Variants in PGD observed in about 807,000 individuals in gnomAD.
PGD encodes the protein 6-phosphogluconate dehydrogenase, decarboxylating.
Under a neutral mutation model 60.4 loss-of-function variants are expected in PGD, and 21 were observed. The ratio of observed to expected loss-of-function variants is 0.35; its 90% CI spans 0.25 to 0.50. PGD has a LOEUF of 0.50. PGD is among the 20% of genes least tolerant of loss of function. PGD has a pLI of 0.98. For missense variants in PGD, 477 were observed against 613.1 expected (o/e 0.78, Z 2.34); for synonymous variants, 230 against 235.9 (o/e 0.97, Z 0.23).
chr1:10,416,929 A>G (rs1639604277), intron 8 of PGD, 58 bp from the exon 9 acceptor site: 3 of 1,575,616 alleles, frequency 1.9e-6, no homozygotes, highest in Non-Finnish European at 1.7e-6. Flanking sequence ...ATGATAGTTT[A>G]GCTTGGGCTC....
chr1:10,412,238 C>T (rs1341881199), intron 7 of PGD, among the ~76,000 whole-genome samples: 3 of 152,210 alleles, frequency 2.0e-5, no homozygotes, highest in African/African-American at 7.2e-5. Flanking sequence ...CTTTCATTCA[C>T]CCGCCATTTT....
chr1:10,420,063 C>T lies in PGD; in HGVS notation c.*314C>T, dbSNP rs946975410. Reference sequence around the variant, plus strand: ...ATCACGCAGACAGGAAGGGTGTTTGCGCACTCTGATCAACTGGAACCTCTG... The same window carrying T: ...ATCACGCAGACAGGAAGGGTGTTTGTGCACTCTGATCAACTGGAACCTCTG... On this transcript the variant is annotated 3_prime_UTR_variant, in exon 13 of 13. Coordinates refer to ENST00000270776, the MANE Select transcript of PGD (RefSeq NM_002631.4). 2.1e-5 allele frequency: 7 copies of T among 327,536 alleles called. No individual in the cohort carries two copies. Among genetic ancestry groups the T allele is most frequent in the Admixed American group, 9.0e-5 (2 of 22,326 alleles). 20.3% of individuals were successfully genotyped at this position (327,536 alleles called of 1,614,324 possible). A position where few individuals can be genotyped will look rare whatever the true frequency, so the allele number is the denominator to read the frequency against.
intron 8 of PGD, chr1:10,415,201 C>T (rs1043249148): frequency 6.6e-6 from 1 of 152,228 alleles, no homozygotes; most frequent in Non-Finnish European, 1.5e-5. Flanking sequence ...TTTGACCTCC[C>T]TGTTCATTGT....
chr1:10,402,499 C>T (rs143111907), intron 3 of PGD, among the ~76,000 whole-genome samples: 2,214 of 151,156 alleles, frequency 0.015, 51 homozygotes, highest in East Asian at 0.058. Flanking sequence ...CCAGCCTGGG[C>T]GACATGGTGA....
intron 7 of PGD, among the ~76,000 whole-genome samples, chr1:10,412,025 C>T (rs1286513359): frequency 1.3e-5 from 2 of 151,976 alleles, no homozygotes; most frequent in Non-Finnish European, 2.9e-5. Flanking sequence ...CACCTGGATA[C>T]ACACCTCCTC....
chr1:10,406,753 C>T (rs760958149), intron 5 of PGD, among the ~76,000 whole-genome samples: 2 of 152,166 alleles, frequency 1.3e-5, no homozygotes, highest in East Asian at 1.9e-4. Context: ...AATATATCCG[C>T]GTGCTGAGCT....
rs753868671 is a variant in PGD at position 10,419,490 on chromosome 1, CCTT to C, written c.1286_1288del (p.Phe429del). 6 of 1,614,236 alleles carry C rather than the reference CCTT, an allele frequency of 3.7e-6. No individual in the cohort carries two copies. The highest frequency in any genetic ancestry group is 1.1e-5 in the South Asian group (1 of 91,090). On this transcript the variant is annotated inframe_deletion, in exon 12 of 13. Transcript: ENST00000270776. ...ATGCCCTGTTTTACCACTGCCCTCT[CCTT>C]CTATGACGGGTACAGACATGAGATG...
At chr1:10,418,986 G>GTTTGGTTTTCTGTTTTTTTTT (rs1639643913) in intron 11 of PGD, 61 bp downstream of exon 11, 1 of 920,646 alleles carries the variant, frequency 1.1e-6, no homozygotes, top group African/African-American at 1.7e-5. Context: ...CAGTTGTGAT[G>GTTTGGTTTTCTGTTTTTTTTT]TTTGGTTTTT....
At chr1:10,404,105 A>G (rs905432810) in intron 4 of PGD, 56 bp from the exon 5 acceptor site, 1 of 1,233,224 alleles carries the variant, frequency 8.1e-7, no homozygotes, top group Admixed American at 2.0e-5. Flanking sequence ...GCATAATGAA[A>G]CATGGAAGCA....
chr1:10,412,131 TGCAG>T (rs1232531703), intron 7 of PGD, among the ~76,000 whole-genome samples: 1 of 152,260 alleles, frequency 6.6e-6, no homozygotes, highest in Non-Finnish European at 1.5e-5. Flanking sequence ...CAAAGTAAAC[TGCAG>T]GTATCCATAC....
chr1:10,413,287 A>C, intron 8 of PGD, 36 bp downstream of exon 8: 1 of 1,570,564 alleles, frequency 6.4e-7, no homozygotes, highest in Non-Finnish European at 8.7e-7. Context: ...CCTTTCGTCC[A>C]CTATTCTGAT....
chr1:10,412,786 C>T (rs553063384), intron 7 of PGD: 11 of 329,774 alleles, frequency 3.3e-5, no homozygotes, highest in Admixed American at 8.6e-5. Flanking sequence ...TCTGAGGAGG[C>T]GACACTGCAC....
In PGD at chr1:10,413,133, C is replaced by T. The variant is rs1249527900; in HGVS notation, c.726C>T (p.Phe242=). ...LIEITANILK[F]QDTDGKHLLP... ...AAATCACAGCCAATATTCTCAAGTT[C>T]CAAGACACCGATGGCAAACACCTGC... is the stretch of plus-strand genomic sequence containing the variant. The change falls in exon 8 of 13, where the codon TTC becomes TTT. Residue 242 remains phenylalanine, a synonymous_variant. Coordinates refer to ENST00000270776, the MANE Select transcript of PGD (RefSeq NM_002631.4). 20 of 1,614,138 alleles carry T rather than the reference C, an allele frequency of 1.2e-5. No individual in the cohort carries two copies. In the East Asian group the frequency reaches 4.2e-4, roughly 34 times the overall value.
chr1:10,417,230 A>C, intron 9 of PGD, 113 bp downstream of exon 9: 3 of 1,457,436 alleles, frequency 2.1e-6, no homozygotes, highest in Non-Finnish European at 2.8e-6. Context: ...AATGAAGTTC[A>C]GCCTTGACTT....
At position 10,417,457 on chromosome 1, in the gene PGD, C is replaced by T. The variant is rs1639616146; in HGVS notation, c.1057C>T (p.Leu353Phe). ...RQAATEFGWT[L>F]NYGGIALMWR... is the part of the protein sequence containing the mutation. ...GGCAGCCACCGAGTTTGGCTGGACTCTCAATTATGGTGGCATCGCCCTGAT... is the reference window on the plus strand; with the variant it reads ...GGCAGCCACCGAGTTTGGCTGGACTTTCAATTATGGTGGCATCGCCCTGAT... Residue 353 changes from leucine to phenylalanine, a missense_variant, in exon 10 of 13, where the codon CTC becomes TTC. Coordinates refer to ENST00000270776, the MANE Select transcript of PGD (RefSeq NM_002631.4). The T allele has an allele frequency of 6.2e-7, 1 of 1,614,004 alleles. No homozygotes were observed. Among genetic ancestry groups the T allele is most frequent in the Non-Finnish European group, 8.5e-7 (1 of 1,179,966 alleles).
chr1:10,410,497 A>G (rs1639482113), intron 6 of PGD, among the ~76,000 whole-genome samples: 2 of 151,834 alleles, frequency 1.3e-5, no homozygotes, highest in Admixed American at 6.6e-5. Context: ...CAGTTATACA[A>G]CTGACGGTCC....
intron 10 of PGD, among the ~76,000 whole-genome samples, chr1:10,417,784 A>G (rs1639621771): frequency 6.6e-6 from 1 of 152,014 alleles, no homozygotes; most frequent in South Asian, 2.1e-4. Flanking sequence ...ATCTTGACTC[A>G]CTGCAACCTC....
At chr1:10,418,526 C>T (rs1639634795) in intron 10 of PGD, among the ~76,000 whole-genome samples, 2 of 152,054 alleles carry the variant, frequency 1.3e-5, no homozygotes, top group Non-Finnish European at 2.9e-5. Context: ...CCTGTAATCC[C>T]AGCGTTTTGG....
Position 10,413,042 on chromosome 1 carries a change from C to G in PGD, c.655-20C>G. On this transcript the variant is annotated intron_variant, in intron 7 of 12. Coordinates refer to ENST00000270776, the MANE Select transcript of PGD (RefSeq NM_002631.4). ...GCCCTCATTCCTCTAACATGGTTCT[C>G]TCCTGTGTTCTGCATGTAGGCCTTT... 6.2e-7 allele frequency: 1 copy of G among 1,608,046 alleles called. No individual in the cohort carries two copies. The highest frequency in any genetic ancestry group is 1.1e-5 in the South Asian group (1 of 90,856).
Sources: allele counts gnomAD v4.1 joint callset (sites outside exome capture counted in the v4.1 genomes callset), GRCh38; gene constraint gnomAD v4.1.1; transcripts MANE v1.5; gene names NCBI Gene and HGNC (gene_info 2026-07-23, HGNC 2026-07-21).